Variants in INSL6 observed in about 807,000 individuals in gnomAD.
INSL6 encodes the protein insulin-like peptide INSL6.
INSL6 carries 16 observed loss-of-function variants against 9.4 expected under a neutral mutation model. The ratio of observed to expected loss-of-function variants is 1.70; its 90% confidence interval spans 1.15 to 2.59. The LOEUF is 2.59. Among genes scored for constraint, INSL6 ranks in the 30% most tolerant of loss-of-function variants. The pLI is 0.00. For missense variants in INSL6, 391 were observed against 257.3 expected, an observed-to-expected ratio of 1.52 and a Z score of -3.56; for synonymous variants, 154 against 96.9, an observed-to-expected ratio of 1.59 and a Z score of -3.46.
chr9:5,033,600 A>G, the INSL6 span, among the ~76,000 whole-genome samples: 10 of 152,220 alleles, frequency 6.6e-5, no homozygotes, highest in South Asian at 2.1e-4. Context: ...ATTCTTAAAG[A>G]AAAGAATTTT....
At chr9:5,140,141 A>C (rs951404687) in intron 2 of INSL6, among the ~76,000 whole-genome samples, 2 of 152,198 alleles carry the variant, frequency 1.3e-5, no homozygotes, top group Admixed American at 6.5e-5. Context: ...AAATATATTT[A>C]ATCTATTTAA....
the INSL6 span, among the ~76,000 whole-genome samples, chr9:5,068,652 G>C: frequency 6.6e-6 from 1 of 152,222 alleles, no homozygotes; most frequent in Non-Finnish European, 1.5e-5. Context: ...TATGTTGGCA[G>C]TGGCAGGAGC....
the INSL6 span, chr9:5,094,500 T>A: frequency 6.6e-6 from 1 of 152,300 alleles, no homozygotes; most frequent in East Asian, 1.9e-4. Context: ...CAATTTCATA[T>A]GAAGTCACCC....
At chr9:5,149,587 A>T (rs1490507958) in intron 2 of INSL6, among the ~76,000 whole-genome samples, 1 of 152,256 alleles carries the variant, frequency 6.6e-6, no homozygotes, top group East Asian at 1.9e-4. Flanking sequence ...GAAAGAAATT[A>T]TAGATGACAC....
the INSL6 span, chr9:5,109,854 C>T: frequency 1.3e-5 from 2 of 152,112 alleles, no homozygotes. Context: ...AGTATTCTTC[C>T]AATATTCCAC....
At chr9:5,119,388 C>A (rs912045571), downstream of INSL6, among the ~76,000 whole-genome samples, 26 of 151,510 alleles carry the variant, frequency 1.7e-4, no homozygotes, top group African/African-American at 6.1e-4. Flanking sequence ...AAATTATGCA[C>A]TTTCATGTAT....
chr9:5,032,033 C>T, the INSL6 span, among the ~76,000 whole-genome samples: 1 of 152,220 alleles, frequency 6.6e-6, no homozygotes, highest in East Asian at 1.9e-4. Context: ...TGACAGACGG[C>T]ACCTGGAAAA....
intron 3 of INSL6, chr9:5,126,919 A>C: frequency 2.1e-6 from 1 of 487,794 alleles, no homozygotes; most frequent in East Asian, 3.6e-5. Flanking sequence ...CAAAGATGTG[A>C]AAATATCTGC....
chr9:5,050,690 G>A, the INSL6 span: 12 of 1,611,274 alleles, frequency 7.4e-6, no homozygotes, highest in South Asian at 1.1e-5. Flanking sequence ...TTTTAGTGGC[G>A]GCATGATTTT....
chr9:5,157,372 G>C (rs1013130496), intron 2 of INSL6, among the ~76,000 whole-genome samples: 16 of 152,060 alleles, frequency 1.1e-4, no homozygotes, highest in African/African-American at 3.9e-4. Flanking sequence ...TAGTAATCAA[G>C]AAAGTATGGT....
chr9:5,111,377 C>G, the INSL6 span: 14 of 401,344 alleles, frequency 3.5e-5, no homozygotes, highest in African/African-American at 2.5e-4. Flanking sequence ...ACGCCAGCAG[C>G]TCTGGCGGAC....
the INSL6 span, among the ~76,000 whole-genome samples, chr9:5,023,255 A>G: frequency 6.6e-6 from 1 of 152,204 alleles, no homozygotes; most frequent in Admixed American, 6.5e-5. Context: ...AGAACTTGTT[A>G]TATTTGTCTT....
the INSL6 span, chr9:5,078,358 T>C: frequency 6.2e-7 from 1 of 1,612,624 alleles, no homozygotes. Context: ...ATTCTGCTTA[T>C]CAGAGAAGAA....
At chr9:5,134,900 A>G (rs563381630) in intron 2 of INSL6, among the ~76,000 whole-genome samples, 1 of 152,320 alleles carries the variant, frequency 6.6e-6, no homozygotes, top group African/African-American at 2.4e-5. Context: ...GGCAAATTGG[A>G]TAGAGTCAAG....
the INSL6 span, chr9:5,114,769 A>T: frequency 3.0e-6 from 1 of 328,782 alleles, no homozygotes; most frequent in Admixed American, 4.0e-5. Flanking sequence ...ACTGGCTCAC[A>T]GACCGTCAAG....
At chr9:5,009,904 A>G in the INSL6 span, among the ~76,000 whole-genome samples, 4 of 152,020 alleles carry the variant, frequency 2.6e-5, no homozygotes, top group Non-Finnish European at 4.4e-5. Context: ...CCAAGTAGCT[A>G]GTACTACAGG....
the INSL6 span, among the ~76,000 whole-genome samples, chr9:5,101,292 C>G: frequency 6.6e-6 from 1 of 152,204 alleles, no homozygotes; most frequent in African/African-American, 2.4e-5. Flanking sequence ...GCACAGCAGC[C>G]TAAGATCCAC....
downstream of INSL6, among the ~76,000 whole-genome samples, chr9:5,159,343 C>T (rs949754048): frequency 1.5e-5 from 2 of 129,062 alleles, no homozygotes; most frequent in Non-Finnish European, 3.2e-5. Flanking sequence ...TTAAAAGACA[C>T]AGAGTGTCAG....
intron 1 of INSL6, among the ~76,000 whole-genome samples, chr9:5,172,228 A>G (rs1328391030): frequency 6.6e-6 from 1 of 152,224 alleles, no homozygotes; most frequent in African/African-American, 2.4e-5. Flanking sequence ...GACAAAAAAT[A>G]GCAATGGGCA....
Sources: gnomAD v4.1 joint callset for allele counts (sites outside exome capture counted in the v4.1 genomes callset) on GRCh38, gnomAD v4.1.1 for gene constraint, MANE v1.5 for transcripts, NCBI Gene and HGNC (gene_info 2026-07-23, HGNC 2026-07-21) for gene names.